GABRG3: variants seen among roughly 807,000 people sequenced by gnomAD.
GABRG3 encodes gamma-aminobutyric acid receptor subunit gamma-3.
A neutral mutation model predicts 48.8 loss-of-function variants in GABRG3; 25 were observed. That is an observed-to-expected ratio of 0.51 (90% confidence interval 0.37 to 0.72). GABRG3 has a LOEUF of 0.72. GABRG3 is among the 30% of genes least tolerant of loss of function. GABRG3 has a pLI of 0.00. For missense variants in GABRG3, 394 were observed against 577.9 expected, an observed-to-expected ratio of 0.68 and a Z score of 3.26; for synonymous variants, 227 against 217.6, an observed-to-expected ratio of 1.04 and a Z score of -0.38.
At chr15:27,254,328 T>C (rs984848494) in intron 3 of GABRG3, among the ~76,000 whole-genome samples, 8 of 152,034 alleles carry the variant, frequency 5.3e-5, no homozygotes, top group Non-Finnish European at 1.2e-4. Context: ...AGGGGAGAGA[T>C]GCCGTCAGAT....
At chr15:27,370,586 G>A (rs746378290) in intron 5 of GABRG3, among the ~76,000 whole-genome samples, 2 of 152,254 alleles carry the variant, frequency 1.3e-5, no homozygotes, top group East Asian at 1.9e-4. Context: ...CTCCTGTTTT[G>A]CCCTGGAATC....
Position 27,308,113 on chromosome 15 carries a change from C to T in GABRG3, c.271-18696C>T, listed in dbSNP as rs190665679. ...ACATATATAAACATATATGTTTATACATCCAAACATATATAAACATATATG... is the reference window on the plus strand; with the variant it reads ...ACATATATAAACATATATGTTTATATATCCAAACATATATAAACATATATG... On this transcript the variant is annotated intron_variant, in intron 3 of 9. Coordinates refer to ENST00000615808, the MANE Select transcript of GABRG3 (RefSeq NM_033223.5). Among the ~76,000 whole-genome samples the T allele has an allele frequency of 1.8e-3, 156 of 86,246 alleles. 5 individuals are homozygous for T. Among genetic ancestry groups the T allele is most frequent in the African/African-American group, 0.012 (136 of 11,030 alleles). The allele number at this position is 86,246 out of a possible 152,430, so 56.6% of individuals were successfully genotyped here. A position where few individuals can be genotyped will look rare whatever the true frequency, so the allele number is the denominator to read the frequency against.
chr15:27,480,269 G>A (rs1890066111), intron 5 of GABRG3, among the ~76,000 whole-genome samples: 1 of 152,198 alleles, frequency 6.6e-6, no homozygotes, highest in African/African-American at 2.4e-5. Flanking sequence ...AAGGTGTGTG[G>A]GCATGGGCCA....
At chr15:27,054,995 G>A (rs891437999) in intron 3 of GABRG3, among the ~76,000 whole-genome samples, 2 of 140,820 alleles carry the variant, frequency 1.4e-5, no homozygotes, top group African/African-American at 5.3e-5. Flanking sequence ...ACAGCCCAAG[G>A]GCCAAGACCT....
At chr15:27,192,445 A>G (rs1333376217) in intron 3 of GABRG3, among the ~76,000 whole-genome samples, 1 of 151,660 alleles carries the variant, frequency 6.6e-6, no homozygotes, top group Non-Finnish European at 1.5e-5. Flanking sequence ...TTTTTCTCTA[A>G]ACTTCCCTTC....
At chr15:27,181,435 A>G (rs1887929396) in intron 3 of GABRG3, among the ~76,000 whole-genome samples, 1 of 152,208 alleles carries the variant, frequency 6.6e-6, no homozygotes, top group South Asian at 2.1e-4. Flanking sequence ...CGGATGCTGC[A>G]GATGGGGAAG....
chr15:27,357,829 A>G (rs1371300374), intron 5 of GABRG3, among the ~76,000 whole-genome samples: 4 of 152,166 alleles, frequency 2.6e-5, no homozygotes, highest in African/African-American at 9.7e-5. Flanking sequence ...AACAACTAGC[A>G]GTTTCTTGGA....
chr15:27,479,357 G>C (rs4778108), intron 5 of GABRG3, among the ~76,000 whole-genome samples: 50,692 of 152,076 alleles, frequency 0.33, 9,941 homozygotes, highest in East Asian at 0.44. Context: ...CTTGAGCTTA[G>C]CATTTTCAAG....
intron 3 of GABRG3, among the ~76,000 whole-genome samples, chr15:27,155,834 G>A (rs997297424): frequency 2.6e-5 from 4 of 152,036 alleles, no homozygotes; most frequent in Admixed American, 6.6e-5. Context: ...GAAATCAAAC[G>A]CCTGTCTCCC....
chr15:27,439,808 T>A (rs974375949), intron 5 of GABRG3, among the ~76,000 whole-genome samples: 1 of 152,188 alleles, frequency 6.6e-6, no homozygotes, highest in African/African-American at 2.4e-5. Context: ...TCCAGACAGA[T>A]CACTGGGTTA....
In GABRG3 at chr15:27,483,758, A is replaced by T. The variant is rs149770392; in HGVS notation, c.712+2971A>T. On this transcript the variant is annotated intron_variant, in intron 6 of 9. Coordinates refer to ENST00000615808, the MANE Select transcript of GABRG3 (RefSeq NM_033223.5). The stretch of plus-strand genomic sequence containing the variant: ...AGAAATCACATTCAAATGGGATCAC[A>T]GCTTAGTGTACTAAGACTTCTGACT... Among the ~76,000 whole-genome samples the T allele has an allele frequency of 1.8e-4, 27 of 152,278 alleles. No individual in the cohort carries two copies. In the East Asian group the frequency reaches 4.4e-3, roughly 25 times the overall value.
chr15:27,370,246 A>G (rs1895363512), intron 5 of GABRG3, among the ~76,000 whole-genome samples: 2 of 152,188 alleles, frequency 1.3e-5, no homozygotes, highest in African/African-American at 4.8e-5. Flanking sequence ...TTTGACAACC[A>G]TGAGGTTTGA....
intron 3 of GABRG3, among the ~76,000 whole-genome samples, chr15:27,112,904 G>A (rs1407405776): frequency 6.6e-6 from 1 of 152,160 alleles, no homozygotes; most frequent in Non-Finnish European, 1.5e-5. Context: ...TTTACAGCTA[G>A]CAATCCCTTA....
At chr15:27,091,643 C>G (rs1455929995) in intron 3 of GABRG3, among the ~76,000 whole-genome samples, 1 of 152,160 alleles carries the variant, frequency 6.6e-6, no homozygotes, top group Non-Finnish European at 1.5e-5. Flanking sequence ...TCGCTGTTTG[C>G]TCTAGATCTG....
intron 2 of GABRG3, among the ~76,000 whole-genome samples, chr15:27,011,829 C>G (rs1895693155): frequency 7.2e-6 from 1 of 139,280 alleles, no homozygotes; most frequent in Non-Finnish European, 1.5e-5. Context: ...GGCTGGGCGA[C>G]AGAGCAAGAC....
chr15:26,999,200 T>C (rs991005089), intron 2 of GABRG3, among the ~76,000 whole-genome samples: 1 of 151,892 alleles, frequency 6.6e-6, no homozygotes, highest in Non-Finnish European at 1.5e-5. Flanking sequence ...AGCAATAGAA[T>C]GTAGTGACTA....
chr15:27,419,703 C>T (rs959857449), intron 5 of GABRG3, among the ~76,000 whole-genome samples: 95 of 152,258 alleles, frequency 6.2e-4, no homozygotes, highest in African/African-American at 2.1e-3. Context: ...GGAGAAAATA[C>T]AGCTTTGAGG....
At chr15:27,116,408 A>C (rs192042610) in intron 3 of GABRG3, among the ~76,000 whole-genome samples, 1 of 152,068 alleles carries the variant, frequency 6.6e-6, no homozygotes, top group African/African-American at 2.4e-5. Context: ...GTTCTATATC[A>C]TTTTATCTTG....
chr15:27,519,558 TA>T (rs1362228514), intron 6 of GABRG3, among the ~76,000 whole-genome samples: 1 of 152,218 alleles, frequency 6.6e-6, no homozygotes, highest in African/African-American at 2.4e-5. Flanking sequence ...TAAGATATGA[TA>T]GCTTTGTTGT....
Sources: gnomAD v4.1 joint callset for allele counts (sites outside exome capture counted in the v4.1 genomes callset) on GRCh38, gnomAD v4.1.1 for gene constraint, MANE v1.5 for transcripts, NCBI Gene and HGNC (gene_info 2026-07-23, HGNC 2026-07-21) for gene names.